Variants in KIF16B observed in about 807,000 individuals in gnomAD.
KIF16B encodes the protein kinesin family member 16B.
KIF16B carries 98 observed loss-of-function variants against 156.3 expected under a neutral mutation model. The observed-to-expected ratio is 0.63, with a 90% CI of 0.53 to 0.74. KIF16B has a LOEUF of 0.74. Among genes scored for constraint, KIF16B ranks in the 30% least tolerant of loss-of-function variants. The pLI, the probability that KIF16B is intolerant of heterozygous loss-of-function variation, is 0.00. For synonymous variants in KIF16B, 564 were observed against 583.7 expected (o/e 0.97, Z 0.49); for missense variants, 1,421 against 1,606.5 (o/e 0.88, Z 1.97).
At chr20:16,366,725 T>C (rs1253011196) in intron 22 of KIF16B, 1 of 466,786 alleles carries the variant, frequency 2.1e-6, no homozygotes, top group East Asian at 1.5e-4. Context: ...AAACCAAGGA[T>C]GTCAATGAAG....
At chr20:16,340,570 AG>A (rs1221600150) in intron 23 of KIF16B, among the ~76,000 whole-genome samples, 1 of 152,208 alleles carries the variant, frequency 6.6e-6, no homozygotes, top group Non-Finnish European at 1.5e-5. Context: ...TCTGCCTCTT[AG>A]TGACAATGAA....
intron 12 of KIF16B, among the ~76,000 whole-genome samples, chr20:16,464,996 A>ATC (rs2067446854): frequency 1.3e-5 from 2 of 152,104 alleles, no homozygotes; most frequent in Non-Finnish European, 2.9e-5. Flanking sequence ...ATGAATTCTT[A>ATC]GAATGACCTT....
chr20:16,530,562 T>C (rs759330178), intron 1 of KIF16B, among the ~76,000 whole-genome samples: 57 of 151,998 alleles, frequency 3.8e-4, no homozygotes, highest in Non-Finnish European at 7.1e-4. Context: ...CGGGACATGA[T>C]GATGAGAGAT....
intron 23 of KIF16B, among the ~76,000 whole-genome samples, chr20:16,343,324 T>A (rs1464867358): frequency 1.3e-5 from 2 of 152,206 alleles, no homozygotes; most frequent in Non-Finnish European, 2.9e-5. Context: ...TTTGCTGGTT[T>A]AAGGATTGCC....
chr20:16,494,294 C>A lies in KIF16B; in HGVS notation c.1299G>T (p.Leu433Phe). 1.3e-6 allele frequency: 2 copies of A among 1,591,918 alleles called. No individual in the cohort carries two copies. Among genetic ancestry groups the A allele is most frequent in the Non-Finnish European group, 1.7e-6 (2 of 1,165,550 alleles). The change falls in exon 12 of 26, where the codon TTG becomes TTT. Residue 433 changes from leucine to phenylalanine, a missense_variant. Coordinates refer to ENST00000354981, the MANE Select transcript of KIF16B (RefSeq NM_024704.5). ...TNKWNETQNI[L>F]KEQTLALRKE... ...AACACATTTTTCTAGTCCTTACTTT[C>A]AAAATATTTTGGGTTTCATTCCACT...
In KIF16B at chr20:16,504,374, G is replaced by T; in HGVS notation, c.1174C>A (p.Gln392Lys). 1 of 1,613,662 alleles carries T rather than the reference G, an allele frequency of 6.2e-7. No individual in the cohort carries two copies. Residue 392 changes from glutamine (Q) to lysine (K), a missense_variant and splice_region_variant, in exon 10 of 26, where the codon CAG (glutamine) becomes AAG (lysine). Physicochemically the swap from Gln to Lys is moderately conservative, Grantham distance 53 (BLOSUM62 1). Transcript: ENST00000354981. ...CATAAATCTCAGAAAAACCCAACCT[G>T]ATTCCCTTGAGCAAGCAGCGTTTTC... Reference protein sequence around the residue: ...RLKTLLAQGNQIALLDSPTAL... With the variant: ...RLKTLLAQGNKIALLDSPTAL...
intron 25 of KIF16B, among the ~76,000 whole-genome samples, chr20:16,277,901 G>T (rs1023210697): frequency 6.6e-6 from 1 of 152,166 alleles, no homozygotes; most frequent in Non-Finnish European, 1.5e-5. Flanking sequence ...ACCACAGAAG[G>T]CCTGCAGCTC....
intron 12 of KIF16B, among the ~76,000 whole-genome samples, chr20:16,488,252 C>G (rs2068182668): frequency 6.6e-6 from 1 of 152,266 alleles, no homozygotes; most frequent in African/African-American, 2.4e-5. Flanking sequence ...CAGCTCTGCT[C>G]TGGACAGACA....
At position 16,277,459 on chromosome 20, in the gene KIF16B, T is replaced by TTTTATATA. The variant is rs74175678; in HGVS notation, c.3796-4049_3796-4048insTATATAAA. Among the ~76,000 whole-genome samples the TTTTATATA allele has an allele frequency of 2.8e-3, 409 of 143,898 alleles. 2 individuals carry two copies. Among genetic ancestry groups the TTTTATATA allele is most frequent in the African/African-American group, 9.2e-3 (368 of 39,910 alleles). The allele number at this position is 143,898 out of a possible 152,430, so 94.4% of individuals were successfully genotyped here. ...TGAACTCTGCTATTTTATGTACATA[T>TTTTATATA]TATATATATATATATATATAAAATA... is the stretch of plus-strand genomic sequence containing the variant. On this transcript the variant is annotated intron_variant, in intron 25 of 25. Coordinates refer to ENST00000354981, the MANE Select transcript of KIF16B (RefSeq NM_024704.5).
intron 1 of KIF16B, among the ~76,000 whole-genome samples, chr20:16,537,646 T>C (rs1447701423): frequency 2.6e-5 from 4 of 151,822 alleles, no homozygotes. Flanking sequence ...CCTTCCCACA[T>C]ACTAAAGTAT....
At chr20:16,335,426 A>G (rs1474391514) in intron 24 of KIF16B, among the ~76,000 whole-genome samples, 2 of 152,234 alleles carry the variant, frequency 1.3e-5, no homozygotes, top group African/African-American at 4.8e-5. Flanking sequence ...TGGTCTCTAG[A>G]TAATTCTGCA....
chr20:16,392,874 G>A (rs1369228295), intron 17 of KIF16B, among the ~76,000 whole-genome samples: 1 of 152,048 alleles, frequency 6.6e-6, no homozygotes, highest in Non-Finnish European at 1.5e-5. Flanking sequence ...CGTGGATTTA[G>A]CTGACAAAAT....
At chr20:16,393,588 A>C (rs1359549566) in intron 17 of KIF16B, among the ~76,000 whole-genome samples, 1 of 152,238 alleles carries the variant, frequency 6.6e-6, no homozygotes, top group Admixed American at 6.5e-5. Flanking sequence ...CATTCAGTCA[A>C]GAATTATTCC....
intron 1 of KIF16B, among the ~76,000 whole-genome samples, chr20:16,551,815 A>C (rs1299648417): frequency 6.6e-6 from 1 of 152,176 alleles, no homozygotes; most frequent in Non-Finnish European, 1.5e-5. Context: ...CTGACCAAAC[A>C]GTCTGTGCCC....
Position 16,273,174 on chromosome 20 carries a change from G to C in KIF16B, c.*79C>G. On this transcript the variant is annotated 3_prime_UTR_variant, in exon 26 of 26. Transcript: ENST00000354981. ...CAGGAGGAGGCAGACCCGGATCCTC[G>C]CATGGGGGAGCTGCCCTGCATCGGA... is the stretch of plus-strand genomic sequence containing the variant. 5 of 1,268,258 alleles carry C rather than the reference G, an allele frequency of 3.9e-6. No individual in the cohort carries two copies. Among genetic ancestry groups the C allele is most frequent in the Non-Finnish European group, 4.6e-6 (4 of 878,646 alleles). The allele number at this position is 1,268,258 out of a possible 1,614,324, so 78.6% of individuals were successfully genotyped here.
At chr20:16,445,865 C>A (rs2066917427) in intron 12 of KIF16B, among the ~76,000 whole-genome samples, 2 of 152,074 alleles carry the variant, frequency 1.3e-5, no homozygotes, top group Admixed American at 1.3e-4. Flanking sequence ...AATACTGGGG[C>A]TTCCATTTTT....
intron 17 of KIF16B, among the ~76,000 whole-genome samples, chr20:16,399,989 A>G (rs150989143): frequency 2.0e-5 from 3 of 152,288 alleles, no homozygotes; most frequent in East Asian, 3.9e-4. Context: ...TGCCCAGCCA[A>G]TTTCTGAGAG....
chr20:16,281,961 A>G (rs1157342868), intron 25 of KIF16B, among the ~76,000 whole-genome samples: 1 of 151,702 alleles, frequency 6.6e-6, no homozygotes, highest in Non-Finnish European at 1.5e-5. Context: ...CCCAATAAGT[A>G]CTTACTGAAA....
chr20:16,537,976 T>G (rs2070045297), intron 1 of KIF16B, among the ~76,000 whole-genome samples: 1 of 152,102 alleles, frequency 6.6e-6, no homozygotes, highest in Non-Finnish European at 1.5e-5. Context: ...AGTGTTAGGG[T>G]TACAGGCATG....
Sources: gnomAD v4.1 joint callset for allele counts (sites outside exome capture counted in the v4.1 genomes callset) on GRCh38, gnomAD v4.1.1 for gene constraint, MANE v1.5 for transcripts, NCBI Gene and HGNC (gene_info 2026-07-23, HGNC 2026-07-21) for gene names.